Variants in RBFOX1 observed in about 807,000 individuals in gnomAD.
RBFOX1 encodes the protein RNA binding protein fox-1 homolog 1.
RBFOX1 carries 8 observed loss-of-function variants against 57.7 expected under a neutral mutation model. The ratio of observed to expected loss-of-function variants is 0.14; its 90% confidence interval spans 0.08 to 0.25. The LOEUF is 0.25. RBFOX1 is among the 10% of genes least tolerant of loss of function. The pLI, the probability that RBFOX1 is intolerant of heterozygous loss-of-function variation, is 1.00. For synonymous variants in RBFOX1, 326 were observed against 222.4 expected, an observed-to-expected ratio of 1.47 and a Z score of -4.15; for missense variants, 611 against 548.5, an observed-to-expected ratio of 1.11 and a Z score of -1.14.
chr16:5,657,245 T>G (rs540262186), intron 3 of RBFOX1, among the ~76,000 whole-genome samples: 1 of 152,364 alleles, frequency 6.6e-6, no homozygotes, highest in South Asian at 2.1e-4. Flanking sequence ...ATATATGGTC[T>G]TAGAACCATG....
At chr16:7,138,725 C>T (rs371545647) in intron 4 of RBFOX1, among the ~76,000 whole-genome samples, 1 of 152,170 alleles carries the variant, frequency 6.6e-6, no homozygotes, top group East Asian at 1.9e-4. Context: ...TGCATTTCTG[C>T]AGGCCGTATG....
At chr16:6,078,884 A>G (rs1266612530) in intron 1 of RBFOX1, among the ~76,000 whole-genome samples, 2 of 152,236 alleles carry the variant, frequency 1.3e-5, no homozygotes, top group East Asian at 1.9e-4. Flanking sequence ...AAAACTGTGC[A>G]TGGTGGATCT....
At chr16:5,937,247 T>C (rs909951069) in intron 4 of RBFOX1, among the ~76,000 whole-genome samples, 1 of 152,144 alleles carries the variant, frequency 6.6e-6, no homozygotes, top group South Asian at 2.1e-4. Flanking sequence ...TCCTATAGTG[T>C]GTGGATTTAC....
intron 3 of RBFOX1, among the ~76,000 whole-genome samples, chr16:6,718,340 A>G (rs968392485): frequency 1.3e-5 from 2 of 152,208 alleles, no homozygotes; most frequent in African/African-American, 2.4e-5. Flanking sequence ...TACAACTTGT[A>G]TATTTTAGTG....
intron 1 of RBFOX1, among the ~76,000 whole-genome samples, chr16:6,200,948 T>G (rs1012085622): frequency 6.9e-6 from 1 of 145,374 alleles, no homozygotes; most frequent in Non-Finnish European, 1.5e-5. Context: ...TAGTGAGGTT[T>G]TTTTTTTTTT....
At chr16:6,700,358 A>C (rs2061643196) in intron 3 of RBFOX1, among the ~76,000 whole-genome samples, 1 of 98,850 alleles carries the variant, frequency 1.0e-5, no homozygotes, top group Non-Finnish European at 2.5e-5. Context: ...AGGTTAAAAC[A>C]AAAAAAAAAA....
intron 2 of RBFOX1, among the ~76,000 whole-genome samples, chr16:6,592,237 T>C (rs911955465): frequency 4.6e-5 from 7 of 152,226 alleles, no homozygotes; most frequent in African/African-American, 1.7e-4. Context: ...GCCATTGGGC[T>C]TTCTTTTGTG....
At chr16:6,800,860 G>T (rs551882943) in intron 3 of RBFOX1, among the ~76,000 whole-genome samples, 2 of 152,140 alleles carry the variant, frequency 1.3e-5, no homozygotes, top group South Asian at 4.2e-4. Flanking sequence ...TTTTCTTCTG[G>T]TTGTTTTTCT....
chr16:6,889,755 T>C (rs2064983387), intron 3 of RBFOX1, among the ~76,000 whole-genome samples: 2 of 152,184 alleles, frequency 1.3e-5, no homozygotes, highest in South Asian at 4.1e-4. Flanking sequence ...GACCCTTCAG[T>C]GGTAAAAACC....
chr16:7,181,710 G>A (rs2082745895), intron 4 of RBFOX1, among the ~76,000 whole-genome samples: 1 of 152,052 alleles, frequency 6.6e-6, no homozygotes, highest in Admixed American at 6.6e-5. Flanking sequence ...CTACAGGTAT[G>A]CACGATGCCT....
intron 2 of RBFOX1, among the ~76,000 whole-genome samples, chr16:6,461,023 T>G (rs1169019223): frequency 6.6e-6 from 1 of 152,118 alleles, no homozygotes; most frequent in Non-Finnish European, 1.5e-5. Context: ...AAACACTGCA[T>G]GCTCTCACTT....
intron 4 of RBFOX1, among the ~76,000 whole-genome samples, chr16:7,284,395 A>G (rs926604302): frequency 4.6e-5 from 7 of 152,238 alleles, no homozygotes; most frequent in South Asian, 4.1e-4. Context: ...CGGTGGCACT[A>G]TCACAGCTCA....
chr16:7,006,252 C>G (rs1011266678), intron 3 of RBFOX1, among the ~76,000 whole-genome samples: 10 of 152,086 alleles, frequency 6.6e-5, no homozygotes, highest in East Asian at 1.9e-4. Context: ...CCTCCGAGGT[C>G]CAAGCGATTC....
At chr16:6,955,525 G>A (rs924957438) in intron 3 of RBFOX1, among the ~76,000 whole-genome samples, 1 of 146,364 alleles carries the variant, frequency 6.8e-6, no homozygotes, top group South Asian at 2.2e-4. Flanking sequence ...CTCATTGCTT[G>A]CTTTTTTCAA....
At chr16:6,780,488 T>TTATATACATTTTTATATA (rs2080781148) in intron 3 of RBFOX1, among the ~76,000 whole-genome samples, 2 of 91,400 alleles carry the variant, frequency 2.2e-5, no homozygotes, top group Non-Finnish European at 4.2e-5. Context: ...TTATATATAT[T>TTATATACATTTTTATATA]TATATACATT....
intron 2 of RBFOX1, among the ~76,000 whole-genome samples, chr16:6,426,963 G>A (rs2093946995): frequency 6.6e-6 from 1 of 152,034 alleles, no homozygotes; most frequent in Admixed American, 6.5e-5. Flanking sequence ...TGCCTTTTCA[G>A]TATTCTATCT....
At chr16:6,360,019 A>C (rs1042906647) in intron 2 of RBFOX1, among the ~76,000 whole-genome samples, 1 of 152,178 alleles carries the variant, frequency 6.6e-6, no homozygotes, top group Admixed American at 6.5e-5. Context: ...CGTGAGGAAC[A>C]ATTTTGCTTA....
intron 3 of RBFOX1, among the ~76,000 whole-genome samples, chr16:5,756,151 G>T (rs1377213505): frequency 1.4e-5 from 2 of 145,968 alleles, no homozygotes; most frequent in Non-Finnish European, 3.0e-5. Flanking sequence ...CAAACCAGAA[G>T]GTTCCATGCC....
chr16:7,245,618 G>C (rs556121765), intron 4 of RBFOX1, among the ~76,000 whole-genome samples: 1 of 152,186 alleles, frequency 6.6e-6, no homozygotes, highest in Non-Finnish European at 1.5e-5. Context: ...AACTTTTGGA[G>C]AGCTAGAGAA....
Sources: gnomAD v4.1 joint callset for allele counts (sites outside exome capture counted in the v4.1 genomes callset) on GRCh38, gnomAD v4.1.1 for gene constraint, MANE v1.5 for transcripts, NCBI Gene and HGNC (gene_info 2026-07-23, HGNC 2026-07-21) for gene names.